Variants in PTPRD observed in about 807,000 individuals in gnomAD.
PTPRD encodes receptor-type tyrosine-protein phosphatase delta.
A neutral mutation model predicts 214.5 loss-of-function variants in PTPRD; 34 were observed. That is an observed-to-expected ratio of 0.16 (90% CI 0.12 to 0.21). PTPRD has a LOEUF of 0.21. Among genes scored for constraint, PTPRD ranks in the 10% least tolerant of loss-of-function variants. The pLI, the probability that PTPRD is intolerant of heterozygous loss-of-function variation, is 1.00. For synonymous variants in PTPRD, 1,128 were observed against 845.7 expected (o/e 1.33, Z -5.79); for missense variants, 2,545 against 2,398.7 (o/e 1.06, Z -1.27).
intron 10 of PTPRD, among the ~76,000 whole-genome samples, chr9:9,174,278 A>G (rs2099923274): frequency 6.6e-6 from 1 of 152,170 alleles, no homozygotes; most frequent in South Asian, 2.1e-4. Context: ...ATCATCTACA[A>G]TAGTGACTGA....
chr9:10,318,511 G>C (rs997120432), intron 3 of PTPRD, among the ~76,000 whole-genome samples: 1 of 151,998 alleles, frequency 6.6e-6, no homozygotes, highest in African/African-American at 2.4e-5. Flanking sequence ...CCCAGGACCC[G>C]TATTCTGTGT....
At chr9:10,380,192 G>C (rs1005010497) in intron 2 of PTPRD, among the ~76,000 whole-genome samples, 6 of 151,998 alleles carry the variant, frequency 3.9e-5, no homozygotes, top group Non-Finnish European at 7.4e-5. Context: ...GAACCAAAAA[G>C]AAACACATAG....
At chr9:9,529,091 C>G (rs1409570569) in intron 8 of PTPRD, among the ~76,000 whole-genome samples, 1 of 151,594 alleles carries the variant, frequency 6.6e-6, no homozygotes, top group African/African-American at 2.4e-5. Flanking sequence ...TGCCACCACG[C>G]CTAGCTAATT....
At chr9:9,842,077 TA>T (rs1300986089) in intron 5 of PTPRD, among the ~76,000 whole-genome samples, 1 of 151,944 alleles carries the variant, frequency 6.6e-6, no homozygotes, top group African/African-American at 2.4e-5. Flanking sequence ...TAAAGGAGGA[TA>T]TTTTTGGATG....
chr9:8,662,215 A>G (rs1338051792), intron 12 of PTPRD, among the ~76,000 whole-genome samples: 2 of 152,184 alleles, frequency 1.3e-5, no homozygotes, highest in African/African-American at 4.8e-5. Context: ...AATGTATATG[A>G]AGAGCACCGA....
chr9:10,167,096 G>A (rs532693575), intron 3 of PTPRD, among the ~76,000 whole-genome samples: 69 of 151,250 alleles, frequency 4.6e-4, no homozygotes, highest in African/African-American at 1.5e-3. Context: ...TGAGTTTACA[G>A]GTGCTTAGAC....
chr9:9,514,675 C>G (rs1053736220), intron 8 of PTPRD, among the ~76,000 whole-genome samples: 1 of 152,010 alleles, frequency 6.6e-6, no homozygotes, highest in Non-Finnish European at 1.5e-5. Context: ...TTCCATTTTT[C>G]AACTGACATC....
At chr9:9,816,880 CA>C (rs36082420) in intron 5 of PTPRD, among the ~76,000 whole-genome samples, 66,721 of 151,530 alleles carry the variant, frequency 0.44, 17,006 homozygotes, top group African/African-American at 0.71. Context: ...AAGGTGAGAA[CA>C]AAAATCACAA....
intron 11 of PTPRD, among the ~76,000 whole-genome samples, chr9:8,910,239 G>A (rs184785479): frequency 7.9e-5 from 12 of 151,714 alleles, no homozygotes; most frequent in African/African-American, 1.9e-4. Context: ...GGATTTCACC[G>A]TGTTAGCCAG....
At chr9:8,759,937 CTGTT>C (rs1598938796) in intron 11 of PTPRD, among the ~76,000 whole-genome samples, 1 of 152,184 alleles carries the variant, frequency 6.6e-6, no homozygotes, top group Admixed American at 6.6e-5. Flanking sequence ...TATCCAGACA[CTGTT>C]TGTTGAAAGA....
chr9:8,912,111 T>G (rs1487408357), intron 11 of PTPRD, among the ~76,000 whole-genome samples: 1 of 152,174 alleles, frequency 6.6e-6, no homozygotes, highest in African/African-American at 2.4e-5. Context: ...CTGTAAAATG[T>G]TAAACATAGA....
chr9:8,570,232 A>C (rs2090707044), intron 14 of PTPRD, among the ~76,000 whole-genome samples: 1 of 152,158 alleles, frequency 6.6e-6, no homozygotes, highest in Non-Finnish European at 1.5e-5. Context: ...TAATGGTCAT[A>C]ATAAATACAC....
intron 9 of PTPRD, among the ~76,000 whole-genome samples, chr9:9,307,197 T>C (rs988461453): frequency 3.9e-5 from 6 of 152,120 alleles, no homozygotes; most frequent in African/African-American, 9.7e-5. Context: ...TAGCTGAAAA[T>C]TGTTTGGATG....
Position 10,210,821 on chromosome 9 carries a change from ATGTATG to A in PTPRD, c.-545+130136_-545+130141del, listed in dbSNP as rs1184524196. Among the ~76,000 whole-genome samples, 546 of 68,072 alleles carry A rather than the reference ATGTATG, an allele frequency of 8.0e-3. 5 individuals are homozygous for A. Among genetic ancestry groups the A allele is most frequent in the African/African-American group, 0.034 (402 of 11,752 alleles). The allele number at this position is 68,072 out of a possible 152,430, so 44.7% of individuals were successfully genotyped here. ...CATATATATATATATATATATATAT[ATGTATG>A]TATGTATGTATGTATAATCAAACCA... On this transcript the variant is annotated intron_variant, in intron 3 of 45. Transcript: ENST00000381196.
Position 8,518,140 on chromosome 9 carries a change from T to C in PTPRD, c.1251A>G (p.Pro417=), listed in dbSNP as rs750006111. The change falls in exon 21 of 46, where the codon CCA becomes CCG. Residue 417 remains proline, a synonymous_variant. Transcript: ENST00000381196. ...PVLTQTSEQA[P]SSAPRDVQAR... ...CCTGGACATCCCTCGGGGCACTGGA[T>C]GGTGCTTGCTCTGAGGTTTGTGTTA... 13 of 1,614,148 alleles carry C rather than the reference T, an allele frequency of 8.1e-6. No individual in the cohort carries two copies. The East Asian group carries it at 1.1e-4, about 14-fold the overall frequency.
intron 8 of PTPRD, among the ~76,000 whole-genome samples, chr9:9,539,138 A>T (rs1048116273): frequency 6.6e-6 from 1 of 151,918 alleles, no homozygotes; most frequent in Admixed American, 6.6e-5. Context: ...TGGGTAAAGA[A>T]GGAGTTACTT....
chr9:10,116,934 C>A (rs1291207051), intron 3 of PTPRD, among the ~76,000 whole-genome samples: 1 of 151,822 alleles, frequency 6.6e-6, no homozygotes, highest in Non-Finnish European at 1.5e-5. Context: ...AGACTTTTTT[C>A]AAATGTCGCC....
At chr9:9,605,977 C>T (rs1041816570) in intron 7 of PTPRD, among the ~76,000 whole-genome samples, 2 of 151,922 alleles carry the variant, frequency 1.3e-5, no homozygotes, top group Non-Finnish European at 2.9e-5. Flanking sequence ...ATAACTCATG[C>T]TAAAAAGGAA....
intron 34 of PTPRD, among the ~76,000 whole-genome samples, chr9:8,436,967 T>C (rs893486011): frequency 6.6e-6 from 1 of 152,170 alleles, no homozygotes. Flanking sequence ...ATCAATAAGG[T>C]TAGCTAGTGG....
Sources: gnomAD v4.1 joint callset for allele counts (sites outside exome capture counted in the v4.1 genomes callset) on GRCh38, gnomAD v4.1.1 for gene constraint, MANE v1.5 for transcripts, NCBI Gene and HGNC (gene_info 2026-07-23, HGNC 2026-07-21) for gene names.